NIPAL4: variants seen among roughly 807,000 people sequenced by gnomAD.
NIPAL4 encodes magnesium transporter NIPA4.
NIPAL4 carries 21 observed loss-of-function variants against 31.6 expected under a neutral mutation model. The observed-to-expected ratio is 0.67, with a 90% CI of 0.47 to 0.96. The LOEUF is 0.96. NIPAL4 is among the 40% of genes least tolerant of loss of function. NIPAL4 has a pLI of 0.00. For missense variants in NIPAL4, 438 were observed against 508.0 expected, an observed-to-expected ratio of 0.86 and a Z score of 1.32; for synonymous variants, 175 against 211.1, an observed-to-expected ratio of 0.83 and a Z score of 1.48.
At chr5:157,461,459 C>T (rs1754105231) in intron 1 of NIPAL4, among the ~76,000 whole-genome samples, 2 of 152,212 alleles carry the variant, frequency 1.3e-5, no homozygotes, top group South Asian at 2.1e-4. Flanking sequence ...GCTAGAGGTG[C>T]ACCTTCAGGG....
At chr5:157,463,666 G>T (rs192858096) in intron 2 of NIPAL4, among the ~76,000 whole-genome samples, 1 of 152,104 alleles carries the variant, frequency 6.6e-6, no homozygotes, top group Non-Finnish European at 1.5e-5. Flanking sequence ...TCCCACCAAC[G>T]TCATCACAGG....
chr5:157,465,409 AC>A (rs1754244252), intron 2 of NIPAL4, among the ~76,000 whole-genome samples: 1 of 152,200 alleles, frequency 6.6e-6, no homozygotes, highest in African/African-American at 2.4e-5. Flanking sequence ...CTTTTTAGGA[AC>A]CTAATGAAAA....
At chr5:157,466,230 A>G (rs569963058) in intron 2 of NIPAL4, among the ~76,000 whole-genome samples, 2 of 152,312 alleles carry the variant, frequency 1.3e-5, no homozygotes, top group African/African-American at 4.8e-5. Context: ...GGACACAGGG[A>G]AAGCATGTGC....
chr5:157,465,893 T>G (rs1379128848), intron 2 of NIPAL4, among the ~76,000 whole-genome samples: 1 of 152,064 alleles, frequency 6.6e-6, no homozygotes, highest in Non-Finnish European at 1.5e-5. Flanking sequence ...CTCAGGAGGC[T>G]GAGGTGGGAG....
At chr5:157,472,105 G>A (rs569760515) in intron 5 of NIPAL4, among the ~76,000 whole-genome samples, 1 of 152,274 alleles carries the variant, frequency 6.6e-6, no homozygotes, top group South Asian at 2.1e-4. Context: ...AGCTTTATGA[G>A]GATGATCCTA....
Position 157,460,377 on chromosome 5 carries a change from G to C in NIPAL4, c.37+20G>C, listed in dbSNP as rs987403446. On this transcript the variant is annotated intron_variant, in intron 1 of 5. Coordinates refer to ENST00000311946, the MANE Select transcript of NIPAL4 (RefSeq NM_001099287.2). ...AGAACGGTGCGTACGGCAGGGCTGG[G>C]GACCAGGCGGGCTCCGCGCTTCGCG... 6.5e-7 allele frequency: 1 copy of C among 1,535,782 alleles called. No homozygotes were observed. The highest frequency in any genetic ancestry group is 8.8e-7 in the Non-Finnish European group (1 of 1,141,210).
At position 157,463,387 on chromosome 5, in the gene NIPAL4, G is replaced by A. The variant is rs531228264; in HGVS notation, c.277+54G>A. The A allele has an allele frequency of 3.9e-6, 6 of 1,533,460 alleles. No homozygotes were observed. The African/African-American group carries it at 6.9e-5, about 18-fold the overall frequency. 95.0% of individuals were successfully genotyped at this position (1,533,460 alleles called of 1,614,324 possible). On this transcript the variant is annotated intron_variant, in intron 2 of 5. Transcript: ENST00000311946. ...GCCCAGGGCAGCTGAGCTCTCACAA[G>A]GTCCGGGGCTGTAGTCTAAGAGGAT...
intron 2 of NIPAL4, 33 bp downstream of exon 2, chr5:157,463,366 A>G (rs765884221): frequency 1.3e-6 from 2 of 1,566,278 alleles, no homozygotes; most frequent in Non-Finnish European, 1.7e-6. Context: ...GATAGGGCCC[A>G]GGGCAGCTGA....
At chr5:157,463,547 C>T (rs113902082) in intron 2 of NIPAL4, among the ~76,000 whole-genome samples, 62 of 152,300 alleles carry the variant, frequency 4.1e-4, no homozygotes, top group East Asian at 3.9e-4. Context: ...GGATGCCTTC[C>T]TTTAGAATCC....
At position 157,465,301 on chromosome 5, in the gene NIPAL4, C is replaced by T. The variant is rs77955342; in HGVS notation, c.278-1748C>T. Among the ~76,000 whole-genome samples the T allele has an allele frequency of 7.9e-3, 1,210 of 152,224 alleles. 10 individuals are homozygous for T. Among genetic ancestry groups the T allele is most frequent in the African/African-American group, 0.027 (1,101 of 41,526 alleles). On this transcript the variant is annotated intron_variant, in intron 2 of 5. Transcript: ENST00000311946. The stretch of plus-strand genomic sequence containing the variant: ...TCAGAAAGACAACTTCCCTGGAATC[C>T]ATTTTTTTCTCCAATCTACTATTTC...
At position 157,468,741 on chromosome 5, in the gene NIPAL4, C is replaced by T. The variant is rs767781200; in HGVS notation, c.354C>T (p.Ala118=). Residue 118 remains alanine, a synonymous_variant, in exon 4 of 6, where the codon GCC becomes GCT. Coordinates refer to ENST00000311946, the MANE Select transcript of NIPAL4 (RefSeq NM_001099287.2). ...GFLTMAAGEV[A]NFGAYAFAPA... ...TCCTAGTGGCTGCTGGAGAAGTTGC[C>T]AACTTTGGAGCCTACGCATTTGCAC... 2.9e-5 allele frequency: 46 copies of T among 1,612,230 alleles called. No homozygotes were observed. The highest frequency in any genetic ancestry group is 3.8e-5 in the Non-Finnish European group (45 of 1,178,810).
At chr5:157,467,787 A>T (rs1754317592) in intron 3 of NIPAL4, 1 of 152,948 alleles carries the variant, frequency 6.5e-6, no homozygotes, top group Non-Finnish European at 1.5e-5. Context: ...CTGTCTGCTA[A>T]ACTTTCTAAG....
chr5:157,463,838 T>C (rs540129301), intron 2 of NIPAL4, among the ~76,000 whole-genome samples: 6 of 152,310 alleles, frequency 3.9e-5, no homozygotes, highest in African/African-American at 1.4e-4. Flanking sequence ...GAAAATAAGA[T>C]GTTTTTCCGT....
intron 2 of NIPAL4, among the ~76,000 whole-genome samples, chr5:157,464,166 G>A (rs891851217): frequency 7.2e-5 from 11 of 152,166 alleles, no homozygotes; most frequent in Admixed American, 7.2e-4. Context: ...TGAGGAGACA[G>A]CAAGGTAAAA....
At chr5:157,467,637 T>A (rs1002378246) in intron 3 of NIPAL4, 7 of 161,644 alleles carry the variant, frequency 4.3e-5, no homozygotes, top group Non-Finnish European at 6.8e-5. Context: ...TATGTCAAGT[T>A]TTGATCCTCG....
chr5:157,465,402 T>C (rs1476905694), intron 2 of NIPAL4, among the ~76,000 whole-genome samples: 4 of 152,364 alleles, frequency 2.6e-5, no homozygotes, highest in Non-Finnish European at 5.9e-5. Context: ...TTCTGACCTT[T>C]TTAGGAACCT....
In NIPAL4 at chr5:157,473,709, G is replaced by T. The variant is rs1754506363; in HGVS notation, c.*749G>T. ...AGGAGTCGGTCACTGAGACATAAAG[G>T]CAGTAATCGCAGAACTGGAAACAAA... is the stretch of plus-strand genomic sequence containing the variant. On this transcript the variant is annotated 3_prime_UTR_variant, in exon 6 of 6. Transcript: ENST00000311946. The T allele has an allele frequency of 6.6e-6, 1 of 152,214 alleles. No homozygotes were observed. Among genetic ancestry groups the T allele is most frequent in the Non-Finnish European group, 1.5e-5 (1 of 68,064 alleles). 9.4% of individuals were successfully genotyped at this position (152,214 alleles called of 1,614,324 possible). A position where few individuals can be genotyped will look rare whatever the true frequency, so the allele number is the denominator to read the frequency against.
Position 157,460,260 on chromosome 5 carries a change from TC to T in NIPAL4, c.-59del. On this transcript the variant is annotated 5_prime_UTR_variant, in exon 1 of 6. Coordinates refer to ENST00000311946, the MANE Select transcript of NIPAL4 (RefSeq NM_001099287.2). ...CGGGGGACAAGTCGCGGCCACCTGC[TC>T]CGGAGCTGGGGAGCCCGGGCGCCGT... is the stretch of plus-strand genomic sequence containing the variant. 1 of 1,541,148 alleles carries T rather than the reference TC, an allele frequency of 6.5e-7. No homozygotes were observed. The highest frequency in any genetic ancestry group is 8.7e-7 in the Non-Finnish European group (1 of 1,143,214).
chr5:157,470,118 G>A (rs1561830742), intron 4 of NIPAL4, among the ~76,000 whole-genome samples: 1 of 152,134 alleles, frequency 6.6e-6, no homozygotes, highest in Non-Finnish European at 1.5e-5. Flanking sequence ...CTTGAACCAG[G>A]ATTTTTAAGG....
Sources: gnomAD v4.1 joint callset for allele counts (sites outside exome capture counted in the v4.1 genomes callset) on GRCh38, gnomAD v4.1.1 for gene constraint, MANE v1.5 for transcripts, NCBI Gene and HGNC (gene_info 2026-07-23, HGNC 2026-07-21) for gene names.